GPC3: variants seen among roughly 807,000 people sequenced by gnomAD.
The protein encoded by GPC3 is glypican 3, also known as glypican-3.
GPC3 carries 3 observed loss-of-function variants against 34.4 expected under a neutral mutation model. The observed-to-expected ratio is 0.09, with a 90% confidence interval of 0.04 to 0.23. The LOEUF (loss-of-function observed/expected upper bound fraction) is 0.23, where lower values mean the gene tolerates loss of function less well. Among genes scored for constraint, GPC3 ranks in the 10% least tolerant of loss-of-function variants. GPC3 has a pLI of 1.00. For missense variants in GPC3, 351 were observed against 445.6 expected (o/e 0.79, Z 1.91); for synonymous variants, 177 against 174.0 (o/e 1.02, Z -0.13).
intron 2 of GPC3, among the ~76,000 whole-genome samples, chrX:133,890,626 C>T (rs915192808): frequency 4.6e-5 from 5 of 109,781 alleles, no homozygotes; most frequent in Admixed American, 2.9e-4. Context: ...GAGAGGCCGA[C>T]GCGGGTGGAT....
chrX:133,576,147 C>T (rs1477647170), intron 7 of GPC3, among the ~76,000 whole-genome samples: 2 of 112,260 alleles, frequency 1.8e-5, no homozygotes, highest in East Asian at 5.7e-4. Flanking sequence ...TACTTTTCAG[C>T]TATGTGTGCT....
At chrX:133,870,524 C>A (rs1166532098) in intron 2 of GPC3, among the ~76,000 whole-genome samples, 1 of 111,730 alleles carries the variant, frequency 9.0e-6, no homozygotes, top group African/African-American at 3.3e-5. Flanking sequence ...CAATCTAAAC[C>A]TTTCCTACTT....
At chrX:133,974,209 C>T (rs771679080) in intron 1 of GPC3, among the ~76,000 whole-genome samples, 2 of 111,093 alleles carry the variant, frequency 1.8e-5, no homozygotes, top group Non-Finnish European at 3.8e-5. Context: ...GCCACTATGC[C>T]CAGCTAATTT....
intron 1 of GPC3, among the ~76,000 whole-genome samples, chrX:133,974,617 T>C (rs1284769596): frequency 9.0e-6 from 1 of 111,310 alleles, no homozygotes; most frequent in Non-Finnish European, 1.9e-5. Flanking sequence ...CAAAATACAT[T>C]TTAATACATG....
chrX:133,629,902 A>G (rs1010573158), intron 6 of GPC3, among the ~76,000 whole-genome samples: 1 of 109,134 alleles, frequency 9.2e-6, no homozygotes, highest in Non-Finnish European at 1.9e-5. Flanking sequence ...TAAAAATACA[A>G]AATTAGTCAG....
chrX:133,837,409 T>A (rs371089203), intron 2 of GPC3, among the ~76,000 whole-genome samples: 1 of 112,221 alleles, frequency 8.9e-6, no homozygotes, highest in Non-Finnish European at 1.9e-5. Context: ...TGGACTCATA[T>A]GAAATACATG....
intron 2 of GPC3, among the ~76,000 whole-genome samples, chrX:133,926,370 CA>C (rs768277674): frequency 9.0e-6 from 1 of 111,670 alleles, no homozygotes; most frequent in Admixed American, 9.5e-5. Context: ...GTAATGAGGA[CA>C]GGGGTGAAGG....
At chrX:133,783,226 C>T (rs763410364) in intron 2 of GPC3, among the ~76,000 whole-genome samples, 1 of 111,169 alleles carries the variant, frequency 9.0e-6, no homozygotes, top group East Asian at 2.8e-4. Context: ...ATTTAACAGC[C>T]GCTACCAGTC....
chrX:133,826,344 AT>A (rs999700547), intron 2 of GPC3, among the ~76,000 whole-genome samples: 1 of 111,931 alleles, frequency 8.9e-6, no homozygotes, highest in African/African-American at 3.2e-5. Context: ...AAGCAATATA[AT>A]TTTTTTAAAG....
At chrX:133,830,406 T>C (rs774828023) in intron 2 of GPC3, among the ~76,000 whole-genome samples, 135 of 111,943 alleles carry the variant, frequency 1.2e-3, no homozygotes, top group African/African-American at 4.2e-3. Flanking sequence ...GGGCTGGGCA[T>C]GGTGGCTCAC....
At chrX:133,831,121 T>G (rs1298475710) in intron 2 of GPC3, among the ~76,000 whole-genome samples, 3 of 111,998 alleles carry the variant, frequency 2.7e-5, no homozygotes, top group Non-Finnish European at 5.6e-5. Context: ...AGAGTGTGAC[T>G]GTTAAGGGGT....
intron 6 of GPC3, among the ~76,000 whole-genome samples, chrX:133,621,117 G>GA (rs200995639): frequency 0.062 from 6,838 of 110,398 alleles, 567 homozygotes; most frequent in African/African-American, 0.21. Context: ...AACTAGTTCT[G>GA]TATGATAAGG....
At chrX:133,763,674 T>G (rs2071820189) in intron 2 of GPC3, 3 of 609,507 alleles carry the variant, frequency 4.9e-6, no homozygotes, top group Admixed American at 4.7e-5. Context: ...CAACCACTGG[T>G]TAGTCTTAAG....
At chrX:133,956,763 G>A (rs1014777118) in intron 1 of GPC3, among the ~76,000 whole-genome samples, 3 of 111,706 alleles carry the variant, frequency 2.7e-5, no homozygotes, top group African/African-American at 9.8e-5. Flanking sequence ...GCTCTAGGTA[G>A]TGGGAGTTAT....
intron 2 of GPC3, among the ~76,000 whole-genome samples, chrX:133,894,196 C>G (rs2076101475): frequency 9.0e-6 from 1 of 111,642 alleles, no homozygotes; most frequent in Non-Finnish European, 1.9e-5. Context: ...GTGCCTCTGA[C>G]CCTTGGAAAT....
chrX:133,780,579 T>C (rs2072035933), intron 2 of GPC3, among the ~76,000 whole-genome samples: 1 of 111,684 alleles, frequency 9.0e-6, no homozygotes, highest in African/African-American at 3.3e-5. Flanking sequence ...AGTTTCATGA[T>C]AATTACCCAG....
chrX:133,853,455 C>A (rs1341338619), intron 2 of GPC3, among the ~76,000 whole-genome samples: 3 of 112,014 alleles, frequency 2.7e-5, no homozygotes, highest in African/African-American at 9.7e-5. Flanking sequence ...AAAACCCTAA[C>A]AATTAGCAGA....
intron 2 of GPC3, among the ~76,000 whole-genome samples, chrX:133,819,744 T>C (rs779079830): frequency 3.6e-5 from 4 of 111,832 alleles, no homozygotes; most frequent in African/African-American, 1.3e-4. Flanking sequence ...TGTAAATCAA[T>C]AGCAGGCTAA....
At chrX:133,799,225 C>G (rs1251144763) in intron 2 of GPC3, among the ~76,000 whole-genome samples, 1 of 111,393 alleles carries the variant, frequency 9.0e-6, no homozygotes, top group Non-Finnish European at 1.9e-5. Flanking sequence ...AACATTGTCT[C>G]TATAAAAAAT....
Sources: allele counts gnomAD v4.1 joint callset (sites outside exome capture counted in the v4.1 genomes callset), GRCh38; gene constraint gnomAD v4.1.1; transcripts MANE v1.5; gene names NCBI Gene and HGNC (gene_info 2026-07-23, HGNC 2026-07-21).